The following IGF1R variants were observed in gnomAD, a reference collection of about 807,000 sequenced individuals.
IGF1R encodes insulin-like growth factor 1 receptor.
In IGF1R, 44 loss-of-function variants were observed where a neutral mutation model predicts 144.6. The ratio of observed to expected loss-of-function variants is 0.30; its 90% confidence interval spans 0.24 to 0.39. The LOEUF is 0.39. Among genes scored for constraint, IGF1R ranks in the 10% least tolerant of loss-of-function variants. The pLI is 1.00. For synonymous variants in IGF1R, 795 were observed against 722.8 expected (o/e 1.10, Z -1.60); for missense variants, 1,355 against 1,833.7 (o/e 0.74, Z 4.77).
chr15:98,924,714 G>A (rs576939115), intron 13 of IGF1R, 30 bp downstream of exon 13: 2 of 1,262,946 alleles, frequency 1.6e-6, no homozygotes, highest in African/African-American at 4.6e-5. Context: ...AAGAAACGTG[G>A]TAAAACTGAA....
At chr15:98,696,007 G>C (rs1323068506) in intron 1 of IGF1R, among the ~76,000 whole-genome samples, 3 of 145,880 alleles carry the variant, frequency 2.1e-5, no homozygotes, top group East Asian at 2.1e-4. Flanking sequence ...TACAGTCTAA[G>C]ACTGCCTGAC....
rs577856509 is a variant in IGF1R, at chr15:98,853,478, A to G, written c.641-37847A>G. Among the ~76,000 whole-genome samples, 89 of 152,368 alleles carry G rather than the reference A, an allele frequency of 5.8e-4. 3 individuals carry two copies. The South Asian group carries it at 0.016, about 27-fold the overall frequency. On this transcript the variant is annotated intron_variant, in intron 2 of 20. Coordinates refer to ENST00000650285, the MANE Select transcript of IGF1R (RefSeq NM_000875.5). ...AAAATGGCAAAATACAGCATGTGGC[A>G]TTCAGTTCAAAAATGCCCTTTTTTA...
chr15:98,803,030 A>C (rs1193394106), intron 2 of IGF1R, among the ~76,000 whole-genome samples: 1 of 152,208 alleles, frequency 6.6e-6, no homozygotes, highest in Non-Finnish European at 1.5e-5. Context: ...GGATTCAGTA[A>C]CATGAAGGTA....
At chr15:98,932,806 G>A (rs766305610) in intron 15 of IGF1R, among the ~76,000 whole-genome samples, 3 of 152,144 alleles carry the variant, frequency 2.0e-5, no homozygotes, top group East Asian at 1.9e-4. Context: ...TGAAACATAC[G>A]TACTATGAAA....
At chr15:98,933,369 G>A (rs536568467) in intron 15 of IGF1R, among the ~76,000 whole-genome samples, 3 of 151,578 alleles carry the variant, frequency 2.0e-5, no homozygotes, top group Non-Finnish European at 4.4e-5. Context: ...TTTGAGACAG[G>A]TTCTCACTCT....
intron 2 of IGF1R, among the ~76,000 whole-genome samples, chr15:98,865,926 G>A (rs1413771404): frequency 6.6e-6 from 1 of 152,168 alleles, no homozygotes; most frequent in African/African-American, 2.4e-5. Flanking sequence ...CGTAAGAAAA[G>A]GGGGCTCCCA....
intron 1 of IGF1R, among the ~76,000 whole-genome samples, chr15:98,698,333 A>C (rs978717726): frequency 1.3e-5 from 2 of 152,138 alleles, no homozygotes; most frequent in Admixed American, 6.5e-5. Context: ...CACCACGCCC[A>C]CCGGCCTCCC....
At chr15:98,650,653 CTG>C (rs1375600982) in intron 1 of IGF1R, among the ~76,000 whole-genome samples, 1 of 152,242 alleles carries the variant, frequency 6.6e-6, no homozygotes, top group Non-Finnish European at 1.5e-5. Flanking sequence ...ACGCCCGTCC[CTG>C]GCGAGAGGTG....
rs35021451 is a variant in IGF1R at position 98,942,840 on chromosome 15, A to G, written c.3458-83A>G. 3.8e-4 allele frequency: 597 copies of G among 1,577,028 alleles called. 2 individuals are homozygous for G. In the African/African-American group the frequency reaches 7.3e-3, roughly 19 times the overall value. On this transcript the variant is annotated intron_variant, in intron 18 of 20. Transcript: ENST00000650285. ...TGTGTCTTGCCTTGCGTCTCTCCAC[A>G]CATAATGAGTGTAGGGTCCTCTGCT...
intron 2 of IGF1R, among the ~76,000 whole-genome samples, chr15:98,724,004 A>G (rs2054304504): frequency 6.6e-6 from 1 of 152,222 alleles, no homozygotes; most frequent in South Asian, 2.1e-4. Flanking sequence ...GCTTTGGAGC[A>G]GTTTAGGCCA....
rs149577143 is a variant in IGF1R at position 98,723,797 on chromosome 15, C to T, written c.640+15690C>T. Among the ~76,000 whole-genome samples the T allele has an allele frequency of 1.8e-3, 271 of 152,268 alleles. 1 individual carries two copies. Among genetic ancestry groups the T allele is most frequent in the African/African-American group, 6.2e-3 (258 of 41,552 alleles). On this transcript the variant is annotated intron_variant, in intron 2 of 20. Coordinates refer to ENST00000650285, the MANE Select transcript of IGF1R (RefSeq NM_000875.5). ...TTCATTAGCATTATGGGAAGACTTG[C>T]TGTATCTATATTATGAAGGCATTTA...
chr15:98,761,784 G>C (rs1013664436), intron 2 of IGF1R, among the ~76,000 whole-genome samples: 1 of 152,178 alleles, frequency 6.6e-6, no homozygotes, highest in Non-Finnish European at 1.5e-5. Flanking sequence ...GTCCCATTCA[G>C]TCCCTAGGTC....
In IGF1R at chr15:98,649,420, G is replaced by A; in HGVS notation, c.-162G>A. The stretch of plus-strand genomic sequence containing the variant: ...GTCCGCGCACCCGGAGGGCCCCGGC[G>A]GCGCCGCCTTCGGAGTATTGTTTCC... On this transcript the variant is annotated 5_prime_UTR_variant, in exon 1 of 21. Coordinates refer to ENST00000650285, the MANE Select transcript of IGF1R (RefSeq NM_000875.5). 2 of 432,970 alleles carry A rather than the reference G, an allele frequency of 4.6e-6. No homozygotes were observed. The highest frequency in any genetic ancestry group is 7.8e-6 in the Non-Finnish European group (2 of 256,016). The allele number at this position is 432,970 out of a possible 1,614,324, so 26.8% of individuals were successfully genotyped here.
chr15:98,666,825 CG>C (rs2052753996), intron 1 of IGF1R, among the ~76,000 whole-genome samples: 1 of 152,024 alleles, frequency 6.6e-6, no homozygotes, highest in Non-Finnish European at 1.5e-5. Flanking sequence ...TGGATGGTTA[CG>C]GTGGTTGAGC....
At chr15:98,692,851 T>C (rs996649659) in intron 1 of IGF1R, among the ~76,000 whole-genome samples, 4 of 152,102 alleles carry the variant, frequency 2.6e-5, no homozygotes, top group African/African-American at 9.7e-5. Flanking sequence ...AGGGAGGATA[T>C]AGACGTAGCC....
At chr15:98,733,610 G>A (rs1005234752) in intron 2 of IGF1R, among the ~76,000 whole-genome samples, 10 of 152,012 alleles carry the variant, frequency 6.6e-5, no homozygotes, top group South Asian at 4.1e-4. Flanking sequence ...AGTCATTTGA[G>A]TGAAGAGCCC....
chr15:98,668,414 C>G (rs1309062813), intron 1 of IGF1R, among the ~76,000 whole-genome samples: 1 of 152,178 alleles, frequency 6.6e-6, no homozygotes, highest in Non-Finnish European at 1.5e-5. Flanking sequence ...GAGTTGGTTA[C>G]AGATCATTAA....
At chr15:98,825,545 A>C (rs2056877804) in intron 2 of IGF1R, among the ~76,000 whole-genome samples, 1 of 152,156 alleles carries the variant, frequency 6.6e-6, no homozygotes, top group African/African-American at 2.4e-5. Context: ...TAGGAGTGAG[A>C]ACCCTATTGT....
intron 2 of IGF1R, among the ~76,000 whole-genome samples, chr15:98,885,146 C>T (rs2013576278): frequency 6.6e-6 from 1 of 152,222 alleles, no homozygotes; most frequent in African/African-American, 2.4e-5. Flanking sequence ...GCTACTGGCT[C>T]ATATTCTCAC....
Sources: gnomAD v4.1 joint callset for allele counts (sites outside exome capture counted in the v4.1 genomes callset) on GRCh38, gnomAD v4.1.1 for gene constraint, MANE v1.5 for transcripts, NCBI Gene and HGNC (gene_info 2026-07-23, HGNC 2026-07-21) for gene names.